Variants in ADAMTS2 observed in about 807,000 individuals in gnomAD.
ADAMTS2 encodes A disintegrin and metalloproteinase with thrombospondin motifs 2.
ADAMTS2 carries 50 observed loss-of-function variants against 123.0 expected under a neutral mutation model. The observed-to-expected ratio is 0.41, with a 90% confidence interval of 0.32 to 0.51. ADAMTS2 has a LOEUF of 0.51. ADAMTS2 is among the 20% of genes least tolerant of loss of function. The probability of loss-of-function intolerance (pLI) is 0.35; values close to 1 mark genes in which losing one functional copy is unlikely to be tolerated. For missense variants in ADAMTS2, 1,494 were observed against 1,705.2 expected (o/e 0.88, Z 2.18); for synonymous variants, 678 against 695.4 (o/e 0.98, Z 0.39).
chr5:179,240,236 T>G (rs1402400183), intron 3 of ADAMTS2, among the ~76,000 whole-genome samples: 2 of 152,126 alleles, frequency 1.3e-5, no homozygotes, highest in Admixed American at 6.5e-5. Flanking sequence ...CTGGTGAACA[T>G]CATCGTAAGC....
chr5:179,125,847 C>G (rs1581139176), intron 18 of ADAMTS2, 151 bp downstream of exon 18: 1 of 1,226,082 alleles, frequency 8.2e-7, no homozygotes, highest in Admixed American at 2.0e-5. Context: ...TTCTGCCCTG[C>G]AGCATCTTAG....
chr5:179,205,757 G>GTTTA (rs1554130226), intron 4 of ADAMTS2, among the ~76,000 whole-genome samples: 1 of 115,938 alleles, frequency 8.6e-6, no homozygotes. Context: ...TGGTTTTATT[G>GTTTA]TTATTATTAT....
chr5:179,127,864 GC>G (rs1762885568), intron 17 of ADAMTS2, 94 bp downstream of exon 17: 7 of 1,550,558 alleles, frequency 4.5e-6, no homozygotes, highest in Non-Finnish European at 5.3e-6. Flanking sequence ...TGGCTCCTCG[GC>G]CCCTGCTCAC....
At chr5:179,226,336 A>G (rs35510292) in intron 3 of ADAMTS2, among the ~76,000 whole-genome samples, 40,509 of 147,262 alleles carry the variant, frequency 0.28, 6,433 homozygotes, top group African/African-American at 0.44. Flanking sequence ...GCGTGATCTC[A>G]GCTCACTGCA....
At chr5:179,290,690 CCCCAGCCTCCCT>C (rs1250294473) in intron 2 of ADAMTS2, among the ~76,000 whole-genome samples, 7 of 152,218 alleles carry the variant, frequency 4.6e-5, no homozygotes, top group Non-Finnish European at 5.9e-5. Flanking sequence ...TAAAACTGGG[CCCCAGCCTCCCT>C]CAGTGCTCTC....
At chr5:179,168,432 G>A (rs554222972) in intron 5 of ADAMTS2, among the ~76,000 whole-genome samples, 204 of 152,296 alleles carry the variant, frequency 1.3e-3, no homozygotes, top group Middle Eastern at 6.8e-3. Flanking sequence ...CGGGCAGGCC[G>A]CTCGCCCCCT....
intron 3 of ADAMTS2, among the ~76,000 whole-genome samples, chr5:179,265,191 C>G (rs866835392): frequency 1.3e-5 from 2 of 152,238 alleles, no homozygotes; most frequent in African/African-American, 4.8e-5. Context: ...GGGCTGCAGC[C>G]AAGCCAGGGC....
chr5:179,265,449 G>C (rs1163124075), intron 3 of ADAMTS2, among the ~76,000 whole-genome samples: 1 of 152,186 alleles, frequency 6.6e-6, no homozygotes. Context: ...GCCGTGGAGG[G>C]GGAGCACACC....
At chr5:179,232,228 T>C (rs934299105) in intron 3 of ADAMTS2, among the ~76,000 whole-genome samples, 3 of 152,192 alleles carry the variant, frequency 2.0e-5, no homozygotes, top group African/African-American at 7.2e-5. Flanking sequence ...GGCTGTTACA[T>C]TGCACCAATG....
At chr5:179,206,711 C>G (rs1764706708) in intron 4 of ADAMTS2, among the ~76,000 whole-genome samples, 1 of 152,220 alleles carries the variant, frequency 6.6e-6, no homozygotes, top group Non-Finnish European at 1.5e-5. Flanking sequence ...CCCCTCATCC[C>G]CACAGTGGCT....
rs974390389 is a variant in ADAMTS2, at chr5:179,228,327, G to A, written c.689-20612C>T. On this transcript the variant is annotated intron_variant, in intron 3 of 21. Coordinates refer to ENST00000251582, the MANE Select transcript of ADAMTS2 (RefSeq NM_014244.5). The surrounding 1 kb of genome is among the most constrained non-coding windows in gnomAD (Gnocchi z 5.2). The stretch of plus-strand genomic sequence containing the variant: ...TGAGGCCCACAGAGGTGACAGGAAC[G>A]GGCCAGGTGCACGGACAGGGCTGTT... 3.3e-5 allele frequency among the ~76,000 whole-genome samples: 5 copies of A among 152,142 alleles called. No individual in the cohort carries two copies. The highest frequency in any genetic ancestry group is 6.5e-5 in the Admixed American group (1 of 15,278).
chr5:179,329,086 G>T (rs1757392557), intron 2 of ADAMTS2, among the ~76,000 whole-genome samples: 2 of 152,164 alleles, frequency 1.3e-5, no homozygotes, highest in African/African-American at 4.8e-5. Flanking sequence ...CCAGCACTTT[G>T]GGAGGCCAAG....
At chr5:179,227,825 CAG>C (rs201117854) in intron 3 of ADAMTS2, among the ~76,000 whole-genome samples, 5,611 of 152,030 alleles carry the variant, frequency 0.037, 388 homozygotes, top group African/African-American at 0.13. Flanking sequence ...GGCAGAAGTG[CAG>C]AGAGACTAGA....
In ADAMTS2 at chr5:179,172,320, T is replaced by G. The variant is rs541141660; in HGVS notation, c.975+8752A>C. ...ACCGGTCCCCTGCCCACTGCCCCATTCCCAACTCTGCCAAAAGTGGAAGTG... is the reference window on the plus strand; with the variant it reads ...ACCGGTCCCCTGCCCACTGCCCCATGCCCAACTCTGCCAAAAGTGGAAGTG... On this transcript the variant is annotated intron_variant, in intron 5 of 21. Coordinates refer to ENST00000251582, the MANE Select transcript of ADAMTS2 (RefSeq NM_014244.5). Among the ~76,000 whole-genome samples the G allele has an allele frequency of 2.0e-5, 3 of 152,248 alleles. No homozygotes were observed. The South Asian group carries it at 6.2e-4, about 32-fold the overall frequency.
chr5:179,205,000 C>T (rs1271784289), intron 4 of ADAMTS2, among the ~76,000 whole-genome samples: 1 of 152,250 alleles, frequency 6.6e-6, no homozygotes, highest in African/African-American at 2.4e-5. Context: ...AACGGTTTCT[C>T]TGTTGTGATA....
chr5:179,241,258 G>C (rs898481835), intron 3 of ADAMTS2, among the ~76,000 whole-genome samples: 1 of 152,228 alleles, frequency 6.6e-6, no homozygotes, highest in African/African-American at 2.4e-5. Context: ...CAGAGTGCAA[G>C]GTGCCTGGAA....
chr5:179,168,436 G>A (rs989765349), intron 5 of ADAMTS2, among the ~76,000 whole-genome samples: 15 of 152,156 alleles, frequency 9.9e-5, no homozygotes, highest in African/African-American at 3.6e-4. Context: ...CAGGCCGCTC[G>A]CCCCCTGGAG....
At chr5:179,135,117 TC>T (rs1763042385) in intron 13 of ADAMTS2, among the ~76,000 whole-genome samples, 1 of 69,404 alleles carries the variant, frequency 1.4e-5, no homozygotes, top group Non-Finnish European at 2.9e-5. Context: ...AGCCCCCAGC[TC>T]CCGGCTCCAG....
At chr5:179,156,437 G>A (rs1172725692) in intron 6 of ADAMTS2, among the ~76,000 whole-genome samples, 2 of 147,126 alleles carry the variant, frequency 1.4e-5, no homozygotes, top group East Asian at 4.0e-4. Flanking sequence ...TCGGCTCACT[G>A]CAACCTCCGC....
Sources: allele counts gnomAD v4.1 joint callset (sites outside exome capture counted in the v4.1 genomes callset), GRCh38; gene constraint gnomAD v4.1.1; non-coding constraint Gnocchi (gnomAD v3.1); transcripts MANE v1.5; gene names NCBI Gene and HGNC (gene_info 2026-07-23, HGNC 2026-07-21).